The following CFAP91 variants were observed in gnomAD, a reference collection of about 807,000 sequenced individuals.
CFAP91 encodes the protein cilia- and flagella-associated protein 91.
In CFAP91, 85 loss-of-function variants were observed where a neutral mutation model predicts 95.9. The observed-to-expected ratio is 0.89, with a 90% CI of 0.74 to 1.06. CFAP91 has a LOEUF of 1.06. Ranked by LOEUF, CFAP91 falls within the 50% of genes least tolerant of loss-of-function variation. The pLI, the probability that CFAP91 is intolerant of heterozygous loss-of-function variation, is 0.00. For synonymous variants in CFAP91, 335 were observed against 327.5 expected, an observed-to-expected ratio of 1.02 and a Z score of -0.25; for missense variants, 962 against 943.4, an observed-to-expected ratio of 1.02 and a Z score of -0.26.
chr3:119,715,591 C>A lies in CFAP91; in HGVS notation c.530C>A (p.Ser177Tyr), dbSNP rs1424469605. ...GAACCATACACTTTTCCTCCTACTTCTACTAAGCACCTATCCATCCCTTCA... is the reference window on the plus strand; with the variant it reads ...GAACCATACACTTTTCCTCCTACTTATACTAAGCACCTATCCATCCCTTCA... ...KAEPYTFPPT[S>Y]TKHLSIPSKS... is the part of the protein sequence containing the mutation. Residue 177 changes from serine to tyrosine, a missense_variant, in exon 6 of 18, where the codon TCT becomes TAT. Transcript: ENST00000273390. 1 of 1,614,138 alleles carries A rather than the reference C, an allele frequency of 6.2e-7. No homozygotes were observed. The highest frequency in any genetic ancestry group is 1.1e-5 in the South Asian group (1 of 91,088).
chr3:119,733,582 G>A, intron 10 of CFAP91, 76 bp downstream of exon 10: 1 of 1,478,116 alleles, frequency 6.8e-7, no homozygotes, highest in Non-Finnish European at 9.3e-7. Context: ...AAAAATTGCA[G>A]CAATGTCCAG....
At chr3:119,745,658 T>C (rs1256314509) in intron 14 of CFAP91, among the ~76,000 whole-genome samples, 9 of 152,260 alleles carry the variant, frequency 5.9e-5, no homozygotes, top group Admixed American at 5.9e-4. Context: ...ACTTGCTTCC[T>C]GAATAAGAGG....
chr3:119,703,196 C>A lies in CFAP91; in HGVS notation c.98C>A (p.Ser33Tyr). 1 of 1,611,798 alleles carries A rather than the reference C, an allele frequency of 6.2e-7. No individual in the cohort carries two copies. The highest frequency in any genetic ancestry group is 8.5e-7 in the Non-Finnish European group (1 of 1,179,004). ...ERSRAGSHIS[S>Y]NRAYDFLYDP... is the part of the protein sequence containing the mutation. The stretch of plus-strand genomic sequence containing the variant: ...TCGCGGGCTGGGAGCCACATCTCCT[C>A]CAATCGAGCGTATGATTTTCTGTAC... Residue 33 changes from serine to tyrosine, a missense_variant, in exon 1 of 18, where the codon TCC becomes TAC. Physicochemically the swap from Ser to Tyr is moderately radical, Grantham distance 144. Transcript: ENST00000273390.
intron 10 of CFAP91, 64 bp from the exon 11 acceptor site, chr3:119,737,302 T>C: frequency 3.0e-6 from 3 of 994,742 alleles, no homozygotes; most frequent in Non-Finnish European, 3.1e-6. Context: ...ACTGCACTTT[T>C]ACCTCTTAAA....
rs187020068 is a variant in CFAP91, at chr3:119,712,983, A to C, written c.501-2579A>C. Among the ~76,000 whole-genome samples, 18 of 151,128 alleles carry C rather than the reference A, an allele frequency of 1.2e-4. No homozygotes were observed. In the East Asian group the frequency reaches 2.5e-3, roughly 21 times the overall value. ...AAACAAAACAAGACAAAAAAAAAAA[A>C]CAACTATTTAAAGTACTTGCTCCAG... is the stretch of plus-strand genomic sequence containing the variant. On this transcript the variant is annotated intron_variant, in intron 5 of 17. Transcript: ENST00000273390.
chr3:119,716,231 G>A (rs572454098), intron 6 of CFAP91, among the ~76,000 whole-genome samples: 53 of 152,282 alleles, frequency 3.5e-4, no homozygotes, highest in African/African-American at 8.9e-4. Flanking sequence ...ATATCTTTCA[G>A]GCTCAGAAAT....
intron 17 of CFAP91, among the ~76,000 whole-genome samples, chr3:119,751,817 G>T (rs978141449): frequency 1.3e-5 from 2 of 152,132 alleles, no homozygotes; most frequent in Non-Finnish European, 1.5e-5. Flanking sequence ...CCAGGGGCTG[G>T]AATCTCTTGT....
Position 119,715,624 on chromosome 3 carries a change from C to T in CFAP91, c.563C>T (p.Thr188Ile). Reference sequence around the variant, plus strand: ...CACCTATCCATCCCTTCAAAGTCTACTGTGGGCACTCAGACTGATTATCGG... The same window carrying T: ...CACCTATCCATCCCTTCAAAGTCTATTGTGGGCACTCAGACTGATTATCGG... ...TKHLSIPSKSTVGTQTDYRDA... is the reference protein window; with the variant it reads ...TKHLSIPSKSIVGTQTDYRDA... The change falls in exon 6 of 18, where the codon ACT (threonine) becomes ATT (isoleucine). Residue 188 changes from threonine (T) to isoleucine (I), a missense_variant. Coordinates refer to ENST00000273390, the MANE Select transcript of CFAP91 (RefSeq NM_033364.4). The T allele has an allele frequency of 6.2e-7, 1 of 1,613,782 alleles. No homozygotes were observed. The highest frequency in any genetic ancestry group is 8.5e-7 in the Non-Finnish European group (1 of 1,179,658).
chr3:119,709,779 G>C, intron 4 of CFAP91, 60 bp from the exon 5 acceptor site: 3 of 1,171,500 alleles, frequency 2.6e-6, no homozygotes, highest in East Asian at 2.3e-5. Context: ...AGCTGGAAGA[G>C]AGCTTAGAGT....
Position 119,732,396 on chromosome 3 carries a change from C to T in CFAP91, c.1121C>T (p.Pro374Leu), listed in dbSNP as rs762465669. 12 of 1,613,242 alleles carry T rather than the reference C, an allele frequency of 7.4e-6. No individual in the cohort carries two copies. The highest frequency in any genetic ancestry group is 1.7e-5 in the Admixed American group (1 of 59,898). The change falls in exon 9 of 18, where the codon CCT becomes CTT. Residue 374 changes from proline to leucine, a missense_variant. Pro to Leu is a moderately conservative substitution (Grantham distance 98). Coordinates refer to ENST00000273390, the MANE Select transcript of CFAP91 (RefSeq NM_033364.4). ...GATTATGCATCACAGGTCTATGGAC[C>T]TCTGTCTCGTCTTGGGTGTTTCCCA... ...YSDYASQVYG[P>L]LSRLGCFPDN...
intron 17 of CFAP91, among the ~76,000 whole-genome samples, chr3:119,762,088 A>G (rs2054547737): frequency 6.6e-6 from 1 of 151,878 alleles, no homozygotes; most frequent in African/African-American, 2.4e-5. Flanking sequence ...TATATAGAAA[A>G]CCCTAAAGAC....
chr3:119,720,331 T>A (rs1451125466), intron 6 of CFAP91, among the ~76,000 whole-genome samples: 2 of 150,266 alleles, frequency 1.3e-5, no homozygotes, highest in East Asian at 1.9e-4. Flanking sequence ...CGGGAGGCTC[T>A]GCTTGCAGTG....
At chr3:119,747,635 C>T in intron 15 of CFAP91, 176 bp from the exon 16 acceptor site, 1 of 623,704 alleles carries the variant, frequency 1.6e-6, no homozygotes, top group South Asian at 2.2e-5. Context: ...GGGTCAAATC[C>T]AAATTTTTTT....
chr3:119,720,115 G>C (rs1174186407), intron 6 of CFAP91, among the ~76,000 whole-genome samples: 1 of 150,510 alleles, frequency 6.6e-6, no homozygotes, highest in Non-Finnish European at 1.5e-5. Context: ...GGGGCCGGAC[G>C]CGGTGGCTCA....
intron 16 of CFAP91, chr3:119,750,152 A>C (rs1374032046): frequency 6.6e-6 from 1 of 152,220 alleles, no homozygotes; most frequent in Non-Finnish European, 1.5e-5. Context: ...ACAGCAAAGA[A>C]TCCACAGTAC....
intron 9 of CFAP91, 44 bp downstream of exon 9, chr3:119,732,520 C>A: frequency 7.9e-7 from 1 of 1,273,104 alleles, no homozygotes; most frequent in South Asian, 1.4e-5. Context: ...AGAAGGTTGT[C>A]TCAGAAATAT....
chr3:119,759,367 G>A (rs769325028), intron 17 of CFAP91, among the ~76,000 whole-genome samples: 1 of 151,972 alleles, frequency 6.6e-6, no homozygotes, highest in Non-Finnish European at 1.5e-5. Context: ...CCTTTAGGAG[G>A]TAAAGAGAGG....
At chr3:119,751,141 G>A in intron 17 of CFAP91, 43 bp downstream of exon 17, 2 of 1,557,802 alleles carry the variant, frequency 1.3e-6, no homozygotes, top group South Asian at 2.5e-5. Context: ...GAGAAAGGAA[G>A]AAAAGCGGCA....
intron 17 of CFAP91, among the ~76,000 whole-genome samples, chr3:119,764,238 C>G (rs945283507): frequency 6.6e-6 from 1 of 152,042 alleles, no homozygotes; most frequent in Non-Finnish European, 1.5e-5. Context: ...AACAATTGTT[C>G]CATGGATAAC....
Sources: gnomAD v4.1 joint callset for allele counts (sites outside exome capture counted in the v4.1 genomes callset) on GRCh38, gnomAD v4.1.1 for gene constraint, MANE v1.5 for transcripts, NCBI Gene and HGNC (gene_info 2026-07-23, HGNC 2026-07-21) for gene names.